Variants in DAB1 observed in about 807,000 individuals in gnomAD.
The protein encoded by DAB1 is DAB adaptor protein 1.
A neutral mutation model predicts 64.6 loss-of-function variants in DAB1; 15 were observed. The observed-to-expected ratio is 0.23, with a 90% CI of 0.16 to 0.36. The LOEUF (loss-of-function observed/expected upper bound fraction) is 0.36, where lower values mean the gene tolerates loss of function less well. Among genes scored for constraint, DAB1 ranks in the 10% least tolerant of loss-of-function variants. DAB1 has a pLI of 1.00. For synonymous variants in DAB1, 235 were observed against 251.9 expected (o/e 0.93, Z 0.64); for missense variants, 596 against 706.7 (o/e 0.84, Z 1.78).
At chr1:58,286,094 G>A (rs1661673652) in intron 4 of DAB1, among the ~76,000 whole-genome samples, 2 of 75,896 alleles carry the variant, frequency 2.6e-5, no homozygotes, top group African/African-American at 9.1e-5. Flanking sequence ...AAATGGTGCT[G>A]GGAAAACTGG....
intron 5 of DAB1, among the ~76,000 whole-genome samples, chr1:58,008,062 C>T (rs1646612525): frequency 6.6e-6 from 1 of 152,140 alleles, no homozygotes; most frequent in African/African-American, 2.4e-5. Flanking sequence ...AATCACTATG[C>T]ATGGAATACC....
At chr1:58,070,669 T>C (rs1649180814) in intron 5 of DAB1, among the ~76,000 whole-genome samples, 1 of 152,110 alleles carries the variant, frequency 6.6e-6, no homozygotes, top group Admixed American at 6.5e-5. Flanking sequence ...TGCAGGCCTG[T>C]GGCTAGGATA....
chr1:57,084,723 AC>A (rs1426849837), intron 4 of DAB1, among the ~76,000 whole-genome samples: 2 of 152,082 alleles, frequency 1.3e-5, no homozygotes, highest in African/African-American at 4.8e-5. Context: ...AGAATAACAA[AC>A]CTTTTTGTTT....
intron 1 of DAB1, among the ~76,000 whole-genome samples, chr1:57,307,905 C>T (rs997044027): frequency 6.6e-6 from 1 of 152,286 alleles, no homozygotes; most frequent in Non-Finnish European, 1.5e-5. Flanking sequence ...CAGACCAGGT[C>T]TCCTTCTCCA....
intron 1 of DAB1, among the ~76,000 whole-genome samples, chr1:58,533,695 TA>T (rs1430905179): frequency 4.6e-5 from 7 of 152,162 alleles, no homozygotes; most frequent in African/African-American, 1.2e-4. Flanking sequence ...GGGTTGAGAA[TA>T]ATTACGTTTT....
intron 6 of DAB1, among the ~76,000 whole-genome samples, chr1:57,682,051 CA>C (rs1441464895): frequency 6.6e-6 from 1 of 151,964 alleles, no homozygotes; most frequent in Non-Finnish European, 1.5e-5. Context: ...AGTAGGCAGC[CA>C]GGGGTGATTA....
At chr1:57,596,532 G>A (rs1486048000) in intron 7 of DAB1, among the ~76,000 whole-genome samples, 2 of 151,772 alleles carry the variant, frequency 1.3e-5, no homozygotes, top group Non-Finnish European at 2.9e-5. Flanking sequence ...CCTGCCAGGT[G>A]CTTACTGTCT....
intron 3 of DAB1, among the ~76,000 whole-genome samples, chr1:58,429,319 G>A (rs1480024539): frequency 6.6e-6 from 1 of 152,224 alleles, no homozygotes; most frequent in Admixed American, 6.5e-5. Flanking sequence ...TATAAGACTG[G>A]ATGAGAACAT....
chr1:58,489,888 G>A (rs1208790105), intron 3 of DAB1, among the ~76,000 whole-genome samples: 1 of 152,192 alleles, frequency 6.6e-6, no homozygotes, highest in Non-Finnish European at 1.5e-5. Context: ...GGTCCTGACT[G>A]TTAGAAGGAA....
chr1:57,244,117 T>C (rs1013533483), intron 2 of DAB1, among the ~76,000 whole-genome samples: 1 of 152,238 alleles, frequency 6.6e-6, no homozygotes, highest in Non-Finnish European at 1.5e-5. Context: ...CTCTCTTAAC[T>C]ACTCTCTGGC....
chr1:57,059,009 GAGT>G (rs1037675637), intron 9 of DAB1, among the ~76,000 whole-genome samples: 3 of 152,200 alleles, frequency 2.0e-5, no homozygotes, highest in African/African-American at 4.8e-5. Context: ...CAGAGAGACT[GAGT>G]ACTCTATTTG....
chr1:57,551,740 A>G (rs374032269), intron 7 of DAB1, among the ~76,000 whole-genome samples: 6 of 152,296 alleles, frequency 3.9e-5, no homozygotes, highest in South Asian at 2.1e-4. Flanking sequence ...GGGAGTTTGC[A>G]TAAGTGGTGT....
chr1:58,300,644 GAGAGGAAGGA>G (rs1217647868), intron 4 of DAB1, among the ~76,000 whole-genome samples: 5 of 59,336 alleles, frequency 8.4e-5, no homozygotes, highest in African/African-American at 1.3e-4. Flanking sequence ...GAGAGAGAGA[GAGAGGAAGGA>G]AGGAAGGAAG....
intron 6 of DAB1, among the ~76,000 whole-genome samples, chr1:57,723,099 G>A (rs984665942): frequency 6.6e-6 from 1 of 152,002 alleles, no homozygotes; most frequent in Non-Finnish European, 1.5e-5. Flanking sequence ...CAGCTCCCAG[G>A]CCCTCCAAAT....
At chr1:57,113,260 A>G (rs951885464) in intron 4 of DAB1, among the ~76,000 whole-genome samples, 6 of 152,178 alleles carry the variant, frequency 3.9e-5, no homozygotes, top group African/African-American at 1.4e-4. Context: ...CTGATAGGCT[A>G]CCCCACTAAT....
intron 4 of DAB1, among the ~76,000 whole-genome samples, chr1:58,334,621 T>C (rs1477348019): frequency 5.7e-5 from 8 of 140,280 alleles, no homozygotes; most frequent in African/African-American, 2.1e-4. Flanking sequence ...TATATTATAT[T>C]ATATTATATT....
At chr1:57,138,683 G>A (rs1390586589) in intron 3 of DAB1, among the ~76,000 whole-genome samples, 4 of 152,164 alleles carry the variant, frequency 2.6e-5, no homozygotes, top group South Asian at 2.1e-4. Flanking sequence ...TGCAGAAATG[G>A]CCAAAGTATG....
At chr1:57,126,540 C>G (rs1013428301) in intron 4 of DAB1, among the ~76,000 whole-genome samples, 5 of 152,144 alleles carry the variant, frequency 3.3e-5, no homozygotes, top group African/African-American at 1.2e-4. Flanking sequence ...AATTAATGTT[C>G]TCATAGTCCA....
chr1:57,987,239 T>C (rs928267290), intron 5 of DAB1, among the ~76,000 whole-genome samples: 2 of 152,210 alleles, frequency 1.3e-5, no homozygotes, highest in African/African-American at 4.8e-5. Flanking sequence ...CTGCACAGCA[T>C]CAGCCCTTCC....
Sources: gnomAD v4.1 joint callset for allele counts (sites outside exome capture counted in the v4.1 genomes callset) on GRCh38, gnomAD v4.1.1 for gene constraint, MANE v1.5 for transcripts, NCBI Gene and HGNC (gene_info 2026-07-23, HGNC 2026-07-21) for gene names.